TENM2: variants seen among roughly 807,000 people sequenced by gnomAD.
TENM2 encodes teneurin transmembrane protein 2.
A neutral mutation model predicts 245.2 loss-of-function variants in TENM2; 52 were observed. The ratio of observed to expected loss-of-function variants is 0.21; its 90% confidence interval spans 0.17 to 0.27. TENM2 has a LOEUF of 0.27. Ranked by LOEUF, TENM2 falls within the 10% of genes least tolerant of loss-of-function variation. The probability of loss-of-function intolerance (pLI) is 1.00; values close to 1 mark genes in which losing one functional copy is unlikely to be tolerated. For synonymous variants in TENM2, 1,363 were observed against 1,438.9 expected (o/e 0.95, Z 1.19); for missense variants, 3,046 against 3,666.8 (o/e 0.83, Z 4.37).
At chr5:167,939,762 C>T (rs557302533) in intron 3 of TENM2, among the ~76,000 whole-genome samples, 11 of 152,352 alleles carry the variant, frequency 7.2e-5, no homozygotes, top group Non-Finnish European at 1.5e-4. Flanking sequence ...AAATCATCCT[C>T]TTTCTGTGCC....
intron 2 of TENM2, among the ~76,000 whole-genome samples, chr5:167,765,041 A>T (rs1018103103): frequency 6.6e-6 from 1 of 152,098 alleles, no homozygotes; most frequent in Non-Finnish European, 1.5e-5. Flanking sequence ...CTGCAACCCG[A>T]GTGCCTGTCC....
At chr5:167,469,391 A>G (rs529426402) in intron 2 of TENM2, among the ~76,000 whole-genome samples, 18 of 152,206 alleles carry the variant, frequency 1.2e-4, no homozygotes, top group African/African-American at 4.3e-4. Flanking sequence ...AGCATTTGTT[A>G]TTTTCCCAAG....
At chr5:167,332,253 T>C (rs1757503278) in intron 1 of TENM2, among the ~76,000 whole-genome samples, 1 of 152,182 alleles carries the variant, frequency 6.6e-6, no homozygotes, top group Admixed American at 6.5e-5. Context: ...GGCTCTATTT[T>C]CCCCCTCACT....
intron 23 of TENM2, among the ~76,000 whole-genome samples, chr5:168,223,614 A>C (rs1763869748): frequency 6.6e-6 from 1 of 151,830 alleles, no homozygotes; most frequent in Non-Finnish European, 1.5e-5. Flanking sequence ...CTACAGGCAC[A>C]CGGCACTGCG....
At chr5:167,744,064 G>A (rs986966844) in intron 2 of TENM2, among the ~76,000 whole-genome samples, 2 of 152,204 alleles carry the variant, frequency 1.3e-5, no homozygotes, top group African/African-American at 4.8e-5. Context: ...CTAGAAACCA[G>A]CAGAAGCTAA....
At chr5:167,872,541 AAAGAAAG>A (rs1561881590) in intron 2 of TENM2, among the ~76,000 whole-genome samples, 5 of 52,738 alleles carry the variant, frequency 9.5e-5, no homozygotes, top group Admixed American at 3.2e-4. Context: ...AGAAAGAAAG[AAAGAAAG>A]AGAAAGAAAG....
chr5:167,384,471 T>C (rs1277821375), intron 2 of TENM2, among the ~76,000 whole-genome samples: 1 of 152,088 alleles, frequency 6.6e-6, no homozygotes, highest in Admixed American at 6.6e-5. Context: ...CTAGAAAAAA[T>C]TCCAACTCCA....
At chr5:167,066,614 G>A in the TENM2 span, among the ~76,000 whole-genome samples, 1 of 139,758 alleles carries the variant, frequency 7.2e-6, no homozygotes, top group Middle Eastern at 3.8e-3. Context: ...TCCTACCTAT[G>A]AGTGAGAATT....
At chr5:167,801,496 C>T (rs1190629403) in intron 2 of TENM2, among the ~76,000 whole-genome samples, 2 of 152,054 alleles carry the variant, frequency 1.3e-5, no homozygotes, top group African/African-American at 4.8e-5. Flanking sequence ...GAGCTATGAA[C>T]AGAAGGCTAC....
chr5:167,675,485 T>C lies in TENM2; in HGVS notation c.503-200501T>C, dbSNP rs144893032. 4.4e-3 allele frequency among the ~76,000 whole-genome samples: 669 copies of C among 152,236 alleles called. 9 individuals are homozygous for C. Among genetic ancestry groups the C allele is most frequent in the African/African-American group, 0.015 (628 of 41,560 alleles). Reference sequence around the variant, plus strand: ...CTATGTCTGAGTGTTCAACGACTTGTTATTGCTATGTTCACGTGTCACCAG... The same window carrying C: ...CTATGTCTGAGTGTTCAACGACTTGCTATTGCTATGTTCACGTGTCACCAG... On this transcript the variant is annotated intron_variant, in intron 2 of 28. Transcript: ENST00000518659.
the TENM2 span, among the ~76,000 whole-genome samples, chr5:167,176,368 G>A: frequency 6.6e-6 from 1 of 152,162 alleles, no homozygotes; most frequent in African/African-American, 2.4e-5. Context: ...CTAGGGCTAA[G>A]CTCCTGTCCC....
rs911821853 is a variant in TENM2 at position 167,981,153 on chromosome 5, C to T, written c.948-11791C>T. Among the ~76,000 whole-genome samples the T allele has an allele frequency of 2.6e-5, 4 of 152,344 alleles. No homozygotes were observed. In the East Asian group the frequency reaches 5.8e-4, roughly 22 times the overall value. On this transcript the variant is annotated intron_variant, in intron 4 of 28. Coordinates refer to ENST00000518659, the Ensembl canonical transcript of TENM2. ...CAGCAGAGCCATCCCTGCTCCAGAG[C>T]TTTCCATGGAATCGCCATAGGCCCC...
the TENM2 span, among the ~76,000 whole-genome samples, chr5:167,253,466 T>C: frequency 1.3e-5 from 2 of 151,996 alleles, no homozygotes; most frequent in East Asian, 3.9e-4. Context: ...CAAAAAAAAG[T>C]GACCTCTCAA....
At chr5:167,027,443 A>G in the TENM2 span, among the ~76,000 whole-genome samples, 1 of 152,192 alleles carries the variant, frequency 6.6e-6, no homozygotes, top group Admixed American at 6.5e-5. Context: ...ATGCTTATCT[A>G]TTAGCATTTA....
chr5:168,005,214 G>A (rs1317557601), intron 5 of TENM2, among the ~76,000 whole-genome samples: 1 of 152,192 alleles, frequency 6.6e-6, no homozygotes, highest in Non-Finnish European at 1.5e-5. Flanking sequence ...AAATAGGAGA[G>A]TGGATACAAT....
the TENM2 span, among the ~76,000 whole-genome samples, chr5:167,011,569 G>A: frequency 6.6e-6 from 1 of 152,204 alleles, no homozygotes; most frequent in Non-Finnish European, 1.5e-5. Context: ...GCTCATATCT[G>A]AGACCTTAAG....
chr5:168,160,939 G>A (rs1255964694), intron 12 of TENM2, among the ~76,000 whole-genome samples: 1 of 152,142 alleles, frequency 6.6e-6, no homozygotes, highest in Non-Finnish European at 1.5e-5. Flanking sequence ...GCTGAAGCAG[G>A]AGGATCACTC....
At chr5:168,133,402 TGA>T (rs895155087) in intron 12 of TENM2, among the ~76,000 whole-genome samples, 2 of 152,340 alleles carry the variant, frequency 1.3e-5, no homozygotes, top group African/African-American at 4.8e-5. Flanking sequence ...AGAACACATT[TGA>T]ATGAGCTGAT....
chr5:167,372,294 T>C (rs777482666), intron 1 of TENM2, among the ~76,000 whole-genome samples: 6 of 152,198 alleles, frequency 3.9e-5, no homozygotes, highest in Non-Finnish European at 7.3e-5. Context: ...GGTTACTTTT[T>C]AAATGTATGC....
Sources: allele counts gnomAD v4.1 joint callset (sites outside exome capture counted in the v4.1 genomes callset), GRCh38; gene constraint gnomAD v4.1.1; transcripts MANE v1.5; gene names NCBI Gene and HGNC (gene_info 2026-07-23, HGNC 2026-07-21).